Variants in RAB24 observed in about 807,000 individuals in gnomAD.
RAB24 encodes the protein RAB24, member RAS oncogene family, also known as ras-related protein Rab-24.
In RAB24, 9 loss-of-function variants were observed where a neutral mutation model predicts 31.4. The ratio of observed to expected loss-of-function variants is 0.29; its 90% confidence interval spans 0.17 to 0.50. The LOEUF (loss-of-function observed/expected upper bound fraction) is 0.50, where lower values mean the gene tolerates loss of function less well. RAB24 is among the 20% of genes least tolerant of loss of function. RAB24 has a pLI of 0.98. For missense variants in RAB24, 197 were observed against 265.2 expected, an observed-to-expected ratio of 0.74 and a Z score of 1.79; for synonymous variants, 106 against 94.1, an observed-to-expected ratio of 1.13 and a Z score of -0.73.
chr5:177,302,815 C>T lies in RAB24; in HGVS notation c.202G>A (p.Glu68Lys). The T allele has an allele frequency of 6.2e-7, 1 of 1,607,286 alleles. No individual in the cohort carries two copies. The highest frequency in any genetic ancestry group is 8.5e-7 in the Non-Finnish European group (1 of 1,177,066). The change falls in exon 3 of 8, where the codon GAG becomes AAG. Residue 68 changes from glutamate (E) to lysine (K), a missense_variant. Coordinates refer to ENST00000303251, the MANE Select transcript of RAB24 (RefSeq NM_001031677.4). ...TLGIWDTAGSERYEAMSRIYY... is the reference protein window; with the variant it reads ...TLGIWDTAGSKRYEAMSRIYY... The stretch of plus-strand genomic sequence containing the variant: ...ATTCTACTCATGGCCTCATAGCGCT[C>T]AGAGCCTGCTGTGTCCTAAAGAGTA...
rs368416018 is a variant in RAB24, at chr5:177,302,591, G to A, written c.319C>T (p.Arg107Cys). Reference protein sequence around the residue: ...ERAKFWVKELRSLEEGCQIYL... With the variant: ...ERAKFWVKELCSLEEGCQIYL... ...TGTTCACCTACCTCCTCTAGGCTGC[G>A]CAGTTCCTTCACCCAGAACTTTGCT... is the stretch of plus-strand genomic sequence containing the variant. Residue 107 changes from arginine (R) to cysteine (C), a missense_variant, in exon 4 of 8, where the codon CGC becomes TGC. Arg to Cys is a radical substitution (Grantham distance 180, BLOSUM62 -3). Coordinates refer to ENST00000303251, the MANE Select transcript of RAB24 (RefSeq NM_001031677.4). 1.2e-6 allele frequency: 2 copies of A among 1,614,144 alleles called. No individual in the cohort carries two copies. Among genetic ancestry groups the A allele is most frequent in the East Asian group, 2.2e-5 (1 of 44,892 alleles).
chr5:177,302,068 A>G (rs372125892), intron 6 of RAB24, 60 bp downstream of exon 6: 109 of 1,610,284 alleles, frequency 6.8e-5, no homozygotes, highest in Non-Finnish European at 8.8e-5. Flanking sequence ...TCTGTGCCCT[A>G]TTCAGCTTCC....
At position 177,302,631 on chromosome 5, in the gene RAB24, G is replaced by GCTGT; in HGVS notation, c.275_278dup (p.Ser93ArgfsTer6). ...AGAACTTTGCTCGCTCAAAGCTGCT[G>GCTGT]CTGTCTGTGAGGTCTTGGTGTGCGG... On this transcript the variant is annotated frameshift_variant, in exon 4 of 8. Coordinates refer to ENST00000303251, the MANE Select transcript of RAB24 (RefSeq NM_001031677.4). LOFTEE classifies it high-confidence loss of function. 1 of 1,614,124 alleles carries GCTGT rather than the reference G, an allele frequency of 6.2e-7. No homozygotes were observed. Among genetic ancestry groups the GCTGT allele is most frequent in the Non-Finnish European group, 8.5e-7 (1 of 1,180,032 alleles).
In RAB24 at chr5:177,301,434, C is replaced by T. The variant is rs1760642368; in HGVS notation, c.*309G>A. 3 of 385,128 alleles carry T rather than the reference C, an allele frequency of 7.8e-6. No individual in the cohort carries two copies. The highest frequency in any genetic ancestry group is 9.6e-6 in the Non-Finnish European group (2 of 208,528). 23.9% of individuals were successfully genotyped at this position (385,128 alleles called of 1,614,324 possible). On this transcript the variant is annotated 3_prime_UTR_variant, in exon 8 of 8. Coordinates refer to ENST00000303251, the MANE Select transcript of RAB24 (RefSeq NM_001031677.4). ...GTGTCTTGACACCTAATCCACACAG[C>T]AGGGAAAGGGGCTGGGTGTGATGCA...
Position 177,303,617 on chromosome 5 carries a change from C to A in RAB24, c.-329G>T. 2.2e-6 allele frequency: 1 copy of A among 448,508 alleles called. No homozygotes were observed. The highest frequency in any genetic ancestry group is 4.0e-6 in the Non-Finnish European group (1 of 250,484). 27.8% of individuals were successfully genotyped at this position (448,508 alleles called of 1,614,324 possible). ...CTACTCCGTCATTCGCTCGCCTGCC[C>A]GGCTTAAGCTCCGTTCTGGCTGGGA... On this transcript the variant is annotated 5_prime_UTR_variant, in exon 1 of 8. Coordinates refer to ENST00000303251, the MANE Select transcript of RAB24 (RefSeq NM_001031677.4). This position sits in a 1 kb window ranked among gnomAD's most constrained non-coding sequence, Gnocchi z 6.1.
rs180807133 is a variant in RAB24 at position 177,302,192 on chromosome 5, T to C, written c.434-14A>G. ...GAGCTTTGATATCTGTAAAGAGAAG[T>C]GACTAAAGCCTCATACCTGAGAATT... On this transcript the variant is annotated splice_polypyrimidine_tract_variant and intron_variant, in intron 5 of 7. Transcript: ENST00000303251. 743 of 1,613,864 alleles carry C rather than the reference T, an allele frequency of 4.6e-4. No homozygotes were observed. Among genetic ancestry groups the C allele is most frequent in the Non-Finnish European group, 6.0e-4 (705 of 1,179,748 alleles).
intron 2 of RAB24, 72 bp downstream of exon 2, chr5:177,302,937 C>G (rs1760730704): frequency 2.5e-6 from 4 of 1,590,466 alleles, no homozygotes; most frequent in African/African-American, 2.7e-5. Context: ...GGCCACAAAT[C>G]AACCAGTAAT....
In RAB24 at chr5:177,301,441, A is replaced by G. The variant is rs1157776761; in HGVS notation, c.*302T>C. On this transcript the variant is annotated 3_prime_UTR_variant, in exon 8 of 8. Coordinates refer to ENST00000303251, the MANE Select transcript of RAB24 (RefSeq NM_001031677.4). ...GACACCTAATCCACACAGCAGGGAA[A>G]GGGGCTGGGTGTGATGCACAGTGCA... The G allele has an allele frequency of 1.2e-5, 5 of 401,008 alleles. No homozygotes were observed. The allele number at this position is 401,008 out of a possible 1,614,324, so 24.8% of individuals were successfully genotyped here. A position where few individuals can be genotyped will look rare whatever the true frequency, so the allele number is the denominator to read the frequency against.
At chr5:177,302,030 G>A (rs777775705) in intron 6 of RAB24, 43 bp from the exon 7 acceptor site, 1 of 1,611,292 alleles carries the variant, frequency 6.2e-7, no homozygotes, top group Non-Finnish European at 8.5e-7. Context: ...AATGCCAGTA[G>A]CCCTGGGATC....
intron 5 of RAB24, 69 bp from the exon 6 acceptor site, chr5:177,302,247 G>A: frequency 1.3e-6 from 2 of 1,586,978 alleles, no homozygotes; most frequent in South Asian, 1.1e-5. Flanking sequence ...AGGGCTAGCA[G>A]TTCAGGGAGT....
At chr5:177,302,703 T>C (rs924409369) in intron 3 of RAB24, 49 bp downstream of exon 3, 23 of 1,611,414 alleles carry the variant, frequency 1.4e-5, no homozygotes, top group Non-Finnish European at 1.8e-5. Flanking sequence ...CTGGCTAGCC[T>C]GGCACCCATC....
At chr5:177,302,893 T>C in intron 2 of RAB24, 63 bp from the exon 3 acceptor site, 1 of 1,597,082 alleles carries the variant, frequency 6.3e-7, no homozygotes, top group Non-Finnish European at 8.6e-7. Context: ...ATTTTCCAGA[T>C]AAGGAAACGG....
Position 177,301,650 on chromosome 5 carries a change from G to C in RAB24, c.*93C>G. ...TCTGCTGACATGAGGACCTGGGGTA[G>C]CTCAGACATTTGACTACCCAAGCCC... On this transcript the variant is annotated 3_prime_UTR_variant, in exon 8 of 8. Coordinates refer to ENST00000303251, the MANE Select transcript of RAB24 (RefSeq NM_001031677.4). The C allele has an allele frequency of 1.4e-6, 2 of 1,424,518 alleles. No individual in the cohort carries two copies. Among genetic ancestry groups the C allele is most frequent in the Non-Finnish European group, 2.0e-6 (2 of 1,013,140 alleles). The allele number at this position is 1,424,518 out of a possible 1,614,324, so 88.2% of individuals were successfully genotyped here.
Position 177,302,762 on chromosome 5 carries a change from G to A in RAB24, c.255C>T (p.Ile85=), listed in dbSNP as rs1215997668. The change falls in exon 3 of 8, where the codon ATC becomes ATT. Residue 85 remains isoleucine (I), a synonymous_variant. Transcript: ENST00000303251. Reference sequence around the variant, plus strand: ...CCCCCCCCCCCTTACCATAGCAGACGATGGCAGCCTTGGCACCCCGATAGT... The same window carrying A: ...CCCCCCCCCCCTTACCATAGCAGACAATGGCAGCCTTGGCACCCCGATAGT... ...RIYYRGAKAA[I]VCYDLTDSSS... is the part of the protein sequence containing the mutation. The A allele has an allele frequency of 2.7e-6, 4 of 1,509,386 alleles. No individual in the cohort carries two copies. Among genetic ancestry groups the A allele is most frequent in the Non-Finnish European group, 3.6e-6 (4 of 1,100,924 alleles). The allele number at this position is 1,509,386 out of a possible 1,614,324, so 93.5% of individuals were successfully genotyped here. A position where few individuals can be genotyped will look rare whatever the true frequency, so the allele number is the denominator to read the frequency against.
chr5:177,302,532 A>G (rs1225054615), intron 4 of RAB24, 36 bp from the exon 5 acceptor site: 1 of 1,614,078 alleles, frequency 6.2e-7, no homozygotes. Flanking sequence ...CCACAGGCCA[A>G]CAAAACCCCA....
Position 177,303,106 on chromosome 5 carries a change from A to T in RAB24, c.118-29T>A. On this transcript the variant is annotated intron_variant, in intron 1 of 7. Coordinates refer to ENST00000303251, the MANE Select transcript of RAB24 (RefSeq NM_001031677.4). The surrounding 1 kb of genome is among the most constrained non-coding windows in gnomAD (Gnocchi z 6.1). Reference sequence around the variant, plus strand: ...CAACGAGAGGGAAGAGATCGGGGCCATAGGTGCAGATTACCGGCCCCCCAC... The same window carrying T: ...CAACGAGAGGGAAGAGATCGGGGCCTTAGGTGCAGATTACCGGCCCCCCAC... The T allele has an allele frequency of 6.2e-7, 1 of 1,613,836 alleles. No individual in the cohort carries two copies. The highest frequency in any genetic ancestry group is 8.5e-7 in the Non-Finnish European group (1 of 1,179,912).
Position 177,301,816 on chromosome 5 carries a change from AAG to A in RAB24, c.548-11_548-10del, listed in dbSNP as rs756897285. 1.3e-5 allele frequency: 21 copies of A among 1,613,986 alleles called. No homozygotes were observed. Among genetic ancestry groups the A allele is most frequent in the East Asian group, 2.2e-5 (1 of 44,894 alleles). ...ATCCACGCCCTTGTCCTCTGTCAAA[AAG>A]AGAGGTGGCAGCTCAGCACCATTCT... On this transcript the variant is annotated splice_polypyrimidine_tract_variant and intron_variant, in intron 7 of 7. Coordinates refer to ENST00000303251, the MANE Select transcript of RAB24 (RefSeq NM_001031677.4).
chr5:177,301,655 G>T lies in RAB24; in HGVS notation c.*88C>A. 1 of 1,468,118 alleles carries T rather than the reference G, an allele frequency of 6.8e-7. No homozygotes were observed. Among genetic ancestry groups the T allele is most frequent in the Non-Finnish European group, 9.5e-7 (1 of 1,051,030 alleles). 90.9% of individuals were successfully genotyped at this position (1,468,118 alleles called of 1,614,324 possible). A position where few individuals can be genotyped will look rare whatever the true frequency, so the allele number is the denominator to read the frequency against. ...TGACATGAGGACCTGGGGTAGCTCA[G>T]ACATTTGACTACCCAAGCCCAGAAA... On this transcript the variant is annotated 3_prime_UTR_variant, in exon 8 of 8. Transcript: ENST00000303251.
chr5:177,303,193 A>C lies in RAB24; in HGVS notation c.96T>G (p.Phe32Leu). The change falls in exon 1 of 8, where the codon TTT becomes TTG. Residue 32 changes from phenylalanine (F) to leucine (L), a missense_variant. Phe to Leu is a conservative substitution (Grantham distance 22). Around this residue, in one of 2 missense-constraint regions of RAB24, gnomAD observed 49 missense variants for 105.5 expected, o/e 0.46. Transcript: ENST00000303251. This position sits in a 1 kb window ranked among gnomAD's most constrained non-coding sequence, Gnocchi z 6.1. The part of the protein sequence containing the change: ...SLVERYVHDR[F>L]LVGPYQNTIG... Reference sequence around the variant, plus strand: ...TCACGTTCTGATAAGGCCCCACCAGAAAGCGGTCGTGCACGTAGCGCTCCA... The same window carrying C: ...TCACGTTCTGATAAGGCCCCACCAGCAAGCGGTCGTGCACGTAGCGCTCCA... The C allele has an allele frequency of 6.2e-7, 1 of 1,613,738 alleles. No individual in the cohort carries two copies. Among genetic ancestry groups the C allele is most frequent in the Middle Eastern group, 1.6e-4 (1 of 6,062 alleles).
Sources: gnomAD v4.1 joint callset for allele counts on GRCh38, gnomAD v4.1.1 for gene constraint, gnomAD v4.1.1 regional missense constraint, Gnocchi (gnomAD v3.1) non-coding constraint, MANE v1.5 for transcripts, NCBI Gene and HGNC (gene_info 2026-07-23, HGNC 2026-07-21) for gene names.